Variants in MYOF observed in about 807,000 individuals in gnomAD.
MYOF encodes the protein myoferlin.
Under a neutral mutation model 284.2 loss-of-function variants are expected in MYOF, and 244 were observed. That is an observed-to-expected ratio of 0.86 (90% CI 0.77 to 0.95). The LOEUF (loss-of-function observed/expected upper bound fraction) is 0.95. MYOF is among the 40% of genes least tolerant of loss of function. The pLI is 0.00. For missense variants in MYOF, 2,496 were observed against 2,560.6 expected, an observed-to-expected ratio of 0.97 and a Z score of 0.54; for synonymous variants, 904 against 919.7, an observed-to-expected ratio of 0.98 and a Z score of 0.31.
chr10:93,348,624 T>C (rs376968230), intron 36 of MYOF, among the ~76,000 whole-genome samples: 3 of 151,674 alleles, frequency 2.0e-5, no homozygotes, highest in African/African-American at 7.3e-5. Context: ...GACAACCACT[T>C]TGGGACCCTG....
chr10:93,327,976 G>A (rs907983943), intron 45 of MYOF, among the ~76,000 whole-genome samples: 17 of 151,994 alleles, frequency 1.1e-4, no homozygotes, highest in Admixed American at 9.8e-4. Context: ...CACCATGTTG[G>A]TCAGGCTGGT....
intron 19 of MYOF, 102 bp downstream of exon 19, chr10:93,387,695 C>T: frequency 1.2e-6 from 1 of 840,984 alleles, no homozygotes; most frequent in Non-Finnish European, 2.0e-6. Context: ...CAGATGAGGG[C>T]CTCATTGTGA....
At chr10:93,360,817 G>A (rs1260972137) in intron 28 of MYOF, among the ~76,000 whole-genome samples, 17 of 152,158 alleles carry the variant, frequency 1.1e-4, no homozygotes, top group Admixed American at 1.1e-3. Flanking sequence ...GGGAGGTTAT[G>A]GGGTGTGGTT....
intron 1 of MYOF, among the ~76,000 whole-genome samples, chr10:93,461,856 A>G (rs2056891391): frequency 6.6e-6 from 1 of 152,204 alleles, no homozygotes; most frequent in Admixed American, 6.5e-5. Context: ...ATAACTCATG[A>G]GAAAAACCAA....
rs981663769 is a variant in MYOF, at chr10:93,363,986, G to A, written c.2843C>T (p.Pro948Leu). 6.8e-6 allele frequency: 11 copies of A among 1,614,040 alleles called. No homozygotes were observed. Among genetic ancestry groups the A allele is most frequent in the South Asian group, 4.4e-5 (4 of 91,088 alleles). Residue 948 changes from proline to leucine, a missense_variant, in exon 27 of 54, where the codon CCG (proline) becomes CTG (leucine). Transcript: ENST00000359263. ...CGCATCCGTGTAGGTGTCCTCGGCC[G>A]GCTTCCAGTCGCCCCCGGGGTAGCG... ...ESRYPGGDWK[P>L]AEDTYTDANG...
At chr10:93,443,486 G>C (rs1482122078) in intron 3 of MYOF, among the ~76,000 whole-genome samples, 3 of 151,650 alleles carry the variant, frequency 2.0e-5, no homozygotes, top group African/African-American at 7.3e-5. Flanking sequence ...GTGTGTGTGT[G>C]TGTGTGTGTG....
chr10:93,329,576 G>A (rs768922368), intron 44 of MYOF, 88 bp downstream of exon 44: 2 of 1,377,208 alleles, frequency 1.5e-6, no homozygotes, highest in Non-Finnish European at 2.0e-6. Flanking sequence ...GCTCAGTGAA[G>A]GAAGGCACTA....
intron 1 of MYOF, among the ~76,000 whole-genome samples, chr10:93,464,362 A>G (rs548988184): frequency 1.3e-5 from 2 of 152,294 alleles, no homozygotes; most frequent in African/African-American, 4.8e-5. Flanking sequence ...GCACAAACAC[A>G]TGCACACACA....
chr10:93,477,631 G>T (rs1307778094), intron 1 of MYOF, among the ~76,000 whole-genome samples: 3 of 151,984 alleles, frequency 2.0e-5, no homozygotes, highest in African/African-American at 7.3e-5. Context: ...GGCGGATCAT[G>T]AGGCCAGGAG....
intron 40 of MYOF, among the ~76,000 whole-genome samples, chr10:93,336,680 T>C (rs969650011): frequency 2.0e-5 from 3 of 151,996 alleles, no homozygotes; most frequent in African/African-American, 7.3e-5. Flanking sequence ...TATACAATAA[T>C]CACAACTTGT....
At chr10:93,317,336 GC>G (rs1380197748) in intron 49 of MYOF, among the ~76,000 whole-genome samples, 1 of 149,940 alleles carries the variant, frequency 6.7e-6, no homozygotes, top group Non-Finnish European at 1.5e-5. Context: ...GGGATTTTTG[GC>G]CTTTGAAAAA....
Position 93,369,110 on chromosome 10 carries a change from C to CTTTTTTTTTTTT in MYOF, c.2589+523_2589+534dup, listed in dbSNP as rs66923086. On this transcript the variant is annotated intron_variant, in intron 25 of 53. Transcript: ENST00000359263. ...TATTGTTTTAGAAGTATTCAGACAGCTTTTTTTTTTTTTTTTTTTTTTGCC... is the reference window on the plus strand; with the variant it reads ...TATTGTTTTAGAAGTATTCAGACAGCTTTTTTTTTTTTTTTTTTTTTTTTTTTTTTTTTTGCC... Among the ~76,000 whole-genome samples the CTTTTTTTTTTTT allele has an allele frequency of 1.7e-4, 13 of 78,312 alleles. 2 individuals are homozygous for CTTTTTTTTTTTT. Among genetic ancestry groups the CTTTTTTTTTTTT allele is most frequent in the African/African-American group, 5.2e-4 (8 of 15,450 alleles). 51.4% of individuals were successfully genotyped at this position (78,312 alleles called of 152,430 possible).
In MYOF at chr10:93,351,703, G is replaced by GTGGA; in HGVS notation, c.3621_3624dup (p.Pro1209SerfsTer10). ...TCAAAAAGTTCCATGATAACTTTGG[G>GTGGA]TGGATTCTGTAGAACTGTTTGGGGT... On this transcript the variant is annotated frameshift_variant, in exon 33 of 54. Transcript: ENST00000359263. LOFTEE classifies it high-confidence loss of function. The GTGGA allele has an allele frequency of 6.3e-7, 1 of 1,591,708 alleles. No homozygotes were observed. The highest frequency in any genetic ancestry group is 8.5e-7 in the Non-Finnish European group (1 of 1,171,880).
At chr10:93,455,315 A>G (rs547547526) in intron 2 of MYOF, among the ~76,000 whole-genome samples, 88 of 150,860 alleles carry the variant, frequency 5.8e-4, no homozygotes, top group African/African-American at 1.9e-3. Context: ...ACAAAAAAAC[A>G]AAAAAAGAAC....
Position 93,431,412 on chromosome 10 carries a change from G to A in MYOF, c.341C>T (p.Thr114Ile), listed in dbSNP as rs201492572. The A allele has an allele frequency of 3.7e-4, 592 of 1,613,430 alleles. 1 individual carries two copies. In the African/African-American group the frequency reaches 7.3e-3, roughly 20 times the overall value. The change falls in exon 4 of 54, where the codon ACT becomes ATT. Residue 114 changes from threonine (T) to isoleucine (I), a missense_variant. Transcript: ENST00000359263. ...ISLLNEKGQD[T>I]GATIDLVIGY... ...AATAAGAGAGAAAACACTCACCCCAGTATCTTGCCCTTTTTCATTTAGCAG... is the reference window on the plus strand; with the variant it reads ...AATAAGAGAGAAAACACTCACCCCAATATCTTGCCCTTTTTCATTTAGCAG...
intron 19 of MYOF, among the ~76,000 whole-genome samples, chr10:93,385,853 T>A (rs1256446229): frequency 6.6e-6 from 1 of 152,210 alleles, no homozygotes; most frequent in African/African-American, 2.4e-5. Context: ...CTTTTTTTTT[T>A]TTTTGCTTTT....
intron 7 of MYOF, among the ~76,000 whole-genome samples, chr10:93,407,399 G>T (rs1157477483): frequency 1.7e-5 from 2 of 118,048 alleles, no homozygotes; most frequent in East Asian, 2.6e-4. Context: ...CCACACTCCA[G>T]CCTTGGCAAC....
chr10:93,391,017 C>A (rs1292147876), intron 17 of MYOF, among the ~76,000 whole-genome samples: 1 of 152,202 alleles, frequency 6.6e-6, no homozygotes, highest in Non-Finnish European at 1.5e-5. Flanking sequence ...CCCTCCACTA[C>A]CCCATCCATT....
chr10:93,317,370 G>A (rs1004427211), intron 49 of MYOF, among the ~76,000 whole-genome samples: 4 of 151,894 alleles, frequency 2.6e-5, no homozygotes, highest in African/African-American at 4.8e-5. Flanking sequence ...GGGTGCAGTG[G>A]CTCATTCCTG....
Sources: allele counts gnomAD v4.1 joint callset (sites outside exome capture counted in the v4.1 genomes callset), GRCh38; gene constraint gnomAD v4.1.1; transcripts MANE v1.5; gene names NCBI Gene and HGNC (gene_info 2026-07-23, HGNC 2026-07-21).